Variants in ANKRD30B observed in about 807,000 individuals in gnomAD.
The protein encoded by ANKRD30B is ankyrin repeat domain-containing protein 30B.
ANKRD30B carries 144 observed loss-of-function variants against 202.2 expected under a neutral mutation model. That is an observed-to-expected ratio of 0.71 (90% CI 0.62 to 0.82). The LOEUF is 0.82. Ranked by LOEUF, ANKRD30B falls within the 40% of genes least tolerant of loss-of-function variation. ANKRD30B has a pLI of 0.00. For missense variants in ANKRD30B, 1,487 were observed against 1,669.1 expected (o/e 0.89, Z 1.90); for synonymous variants, 508 against 561.3 (o/e 0.91, Z 1.34).
chr18:14,894,572 T>C, the ANKRD30B span, among the ~76,000 whole-genome samples: 1 of 152,184 alleles, frequency 6.6e-6, no homozygotes, highest in South Asian at 2.1e-4. Context: ...GTGGAGGCAG[T>C]GGTTTGATAT....
At chr18:14,835,108 A>T (rs1357046324) in intron 34 of ANKRD30B, among the ~76,000 whole-genome samples, 1 of 151,868 alleles carries the variant, frequency 6.6e-6, no homozygotes, top group Non-Finnish European at 1.5e-5. Context: ...CATTTTATTT[A>T]AACTTGTTAT....
chr18:14,872,583 G>C, the ANKRD30B span, among the ~76,000 whole-genome samples: 2 of 151,992 alleles, frequency 1.3e-5, no homozygotes, highest in East Asian at 3.9e-4. Flanking sequence ...TCTCCTGCTT[G>C]GTTCTCTTTT....
the ANKRD30B span, among the ~76,000 whole-genome samples, chr18:14,884,965 A>ATTTGAGCATTGTTACACATG: frequency 6.6e-6 from 1 of 152,134 alleles, no homozygotes. Flanking sequence ...AACAATGCTC[A>ATTTGAGCATTGTTACACATG]AATAGTTACA....
chr18:14,777,812 T>A (rs1417855172), intron 9 of ANKRD30B, among the ~76,000 whole-genome samples, 173 bp from the exon 10 acceptor site: 1 of 151,624 alleles, frequency 6.6e-6, no homozygotes, highest in Admixed American at 6.6e-5. Flanking sequence ...GTGTGGTGGC[T>A]CCTGCCTGTA....
At chr18:14,764,155 T>C in intron 7 of ANKRD30B, 65 bp downstream of exon 7, 5 of 1,433,318 alleles carry the variant, frequency 3.5e-6, no homozygotes, top group Non-Finnish European at 4.6e-6. Context: ...GAAAAAAGTG[T>C]GATATGGGAG....
At chr18:14,863,250 TTGG>T in the ANKRD30B span, among the ~76,000 whole-genome samples, 79,563 of 151,624 alleles carry the variant, frequency 0.52, 21,033 homozygotes, top group African/African-American at 0.55. Flanking sequence ...ATCTTAAACG[TTGG>T]TGGTGGGCCT....
rs1183045735 is a variant in ANKRD30B, at chr18:14,748,614, C to G, written c.195C>G (p.Asn65Lys). 2.6e-6 allele frequency: 4 copies of G among 1,566,674 alleles called. No individual in the cohort carries two copies. Among genetic ancestry groups the G allele is most frequent in the African/African-American group, 2.7e-5 (2 of 73,734 alleles). ...EKMTVGKKPV[N>K]LNKRDMKKRT... is the part of the protein sequence containing the mutation. ...TGACAGTAGGGAAGAAGCCCGTCAA[C>G]CTGAACAAAAGAGATATGAAGAAGA... The change falls in exon 1 of 44, where the codon AAC becomes AAG. Residue 65 changes from asparagine to lysine, a missense_variant. By Grantham distance (94) the Asn-to-Lys change is moderately conservative. Transcript: ENST00000690538.
At chr18:14,772,072 A>G (rs747259211) in intron 8 of ANKRD30B, 84 bp from the exon 9 acceptor site, 10 of 773,980 alleles carry the variant, frequency 1.3e-5, no homozygotes, top group Non-Finnish European at 1.9e-5. Context: ...CATTTTATAG[A>G]GTGAGCACCA....
At chr18:14,870,245 G>T in the ANKRD30B span, among the ~76,000 whole-genome samples, 1 of 152,226 alleles carries the variant, frequency 6.6e-6, no homozygotes, top group Non-Finnish European at 1.5e-5. Flanking sequence ...CTCCCAAAGT[G>T]CTGAGATTAC....
At chr18:14,786,014 C>A (rs1304100071) in intron 14 of ANKRD30B, among the ~76,000 whole-genome samples, 1 of 141,688 alleles carries the variant, frequency 7.1e-6, no homozygotes, top group African/African-American at 2.8e-5. Context: ...GTCTGCAGTC[C>A]GGCCTGGGCG....
At chr18:14,806,603 T>G (rs932105243) in intron 24 of ANKRD30B, among the ~76,000 whole-genome samples, 1 of 149,676 alleles carries the variant, frequency 6.7e-6, no homozygotes, top group East Asian at 1.9e-4. Context: ...CAGATCACAT[T>G]TTAGAACCAG....
chr18:14,876,402 AGAGTCAGTTG>A, the ANKRD30B span, among the ~76,000 whole-genome samples: 2 of 152,202 alleles, frequency 1.3e-5, no homozygotes, highest in Admixed American at 1.3e-4. Flanking sequence ...GAAAATTCTC[AGAGTCAGTTG>A]GAGTGCCTGG....
the ANKRD30B span, among the ~76,000 whole-genome samples, chr18:14,898,038 C>T: frequency 6.6e-6 from 1 of 152,048 alleles, no homozygotes; most frequent in East Asian, 1.9e-4. Context: ...CGTGCACTAC[C>T]GGAGTGCAGG....
chr18:14,868,050 A>T, the ANKRD30B span, among the ~76,000 whole-genome samples: 4 of 152,206 alleles, frequency 2.6e-5, no homozygotes, highest in Non-Finnish European at 4.4e-5. Context: ...TGGAGACGGC[A>T]GCTCAACAGG....
chr18:14,794,624 T>C (rs34042546), intron 16 of ANKRD30B, among the ~76,000 whole-genome samples: 16 of 152,212 alleles, frequency 1.1e-4, no homozygotes, highest in South Asian at 2.1e-4. Context: ...TCGAGGACGA[T>C]CTTCTCATCG....
chr18:14,852,042 C>T lies in ANKRD30B; in HGVS notation c.4098C>T (p.Leu1366=). ...AATCCAAAAGCCCAAAAATTAATCT[C>T]AATTATGCAGGAGATGATCTAAGAG... The part of the protein sequence containing the change: ...QRKSKSPKIN[L]NYAGDDLREN... Residue 1366 remains leucine (L), a synonymous_variant, in exon 42 of 44, where the codon CTC becomes CTT. Transcript: ENST00000690538. 1.9e-6 allele frequency: 3 copies of T among 1,606,698 alleles called. No individual in the cohort carries two copies. Among genetic ancestry groups the T allele is most frequent in the Non-Finnish European group, 2.6e-6 (3 of 1,175,788 alleles).
At chr18:14,780,572 T>C (rs1697102465) in intron 11 of ANKRD30B, among the ~76,000 whole-genome samples, 1 of 152,224 alleles carries the variant, frequency 6.6e-6, no homozygotes, top group African/African-American at 2.4e-5. Flanking sequence ...GGCTTAGAAT[T>C]CACCAGTAAT....
At chr18:14,871,053 C>A in the ANKRD30B span, among the ~76,000 whole-genome samples, 1 of 115,904 alleles carries the variant, frequency 8.6e-6, no homozygotes, top group Non-Finnish European at 1.8e-5. Flanking sequence ...ACCCACACAC[C>A]CCCACCCACA....
At chr18:14,838,363 A>G (rs1971269922) in intron 36 of ANKRD30B, among the ~76,000 whole-genome samples, 1 of 152,232 alleles carries the variant, frequency 6.6e-6, no homozygotes, top group Admixed American at 6.5e-5. Context: ...ACTTGAAAAG[A>G]TAATTCCTGG....
Sources: allele counts gnomAD v4.1 joint callset (sites outside exome capture counted in the v4.1 genomes callset), GRCh38; gene constraint gnomAD v4.1.1; transcripts MANE v1.5; gene names NCBI Gene and HGNC (gene_info 2026-07-23, HGNC 2026-07-21).